The following XG variants were observed in gnomAD, a reference collection of about 807,000 sequenced individuals.
XG encodes the protein Xg glycoprotein (Xg blood group), also known as glycoprotein Xg.
Under a neutral mutation model 25.7 loss-of-function variants are expected in XG, and 24 were observed. The observed-to-expected ratio is 0.93, with a 90% CI of 0.68 to 1.31. The LOEUF (loss-of-function observed/expected upper bound fraction) is 1.31, where lower values mean the gene tolerates loss of function less well. XG is among the 40% of genes most tolerant of loss of function. The pLI is 0.00. For missense variants in XG, 181 were observed against 187.6 expected (o/e 0.96, Z 0.21); for synonymous variants, 77 against 69.2 (o/e 1.11, Z -0.56).
At chrX:2,780,735 A>G (rs1373239502) in intron 3 of XG, among the ~76,000 whole-genome samples, 1 of 150,804 alleles carries the variant, frequency 6.6e-6, no homozygotes, top group Non-Finnish European at 1.5e-5. Flanking sequence ...AAAAAGAAGA[A>G]GTATATTGGT....
At chrX:2,813,902 C>G (rs907220433) in intron 10 of XG, among the ~76,000 whole-genome samples, 2 of 112,297 alleles carry the variant, frequency 1.8e-5, no homozygotes, top group Non-Finnish European at 3.8e-5. Flanking sequence ...GTTTTCAAAA[C>G]GAATATTTGT....
rs780730282 is a variant in XG at position 2,771,270 on chromosome X, C to G, written c.103+679C>G. On this transcript the variant is annotated intron_variant, in intron 2 of 10. Coordinates refer to ENST00000644266, the MANE Select transcript of XG (RefSeq NM_001141919.2). ...TTTTCTTACACTTCAGTTCATATCC[C>G]TCATTGTCCCATACCCCGATCCCAA... Among the ~76,000 whole-genome samples the G allele has an allele frequency of 2.9e-4, 44 of 152,244 alleles. 1 individual carries two copies. Among genetic ancestry groups the G allele is most frequent in the South Asian group, 4.2e-4 (2 of 4,804 alleles).
chrX:2,815,985 G>C lies in XG; in HGVS notation c.*1605G>C, dbSNP rs2087101629. On this transcript the variant is annotated 3_prime_UTR_variant, in exon 11 of 11. Coordinates refer to ENST00000644266, the MANE Select transcript of XG (RefSeq NM_001141919.2). The stretch of plus-strand genomic sequence containing the variant: ...ATTTCACAAATAAATTGTATGAAAT[G>C]ACTGTAGAAGTGGCCCCAAAATTAT... 1 of 112,072 alleles carries C rather than the reference G, an allele frequency of 8.9e-6. No individual in the cohort carries two copies. Among genetic ancestry groups the C allele is most frequent in the African/African-American group, 3.2e-5 (1 of 30,875 alleles). 9.2% of individuals were successfully genotyped at this position (112,072 alleles called of 1,213,427 possible).
intron 2 of XG, among the ~76,000 whole-genome samples, chrX:2,774,090 T>C (rs1001383350): frequency 1.2e-4 from 18 of 152,088 alleles, no homozygotes; most frequent in Non-Finnish European, 2.1e-4. Context: ...AATACGGTGT[T>C]TCCTCTGTTT....
intron 5 of XG, among the ~76,000 whole-genome samples, chrX:2,794,049 C>T (rs761296026): frequency 1.4e-3 from 154 of 110,519 alleles, no homozygotes; most frequent in Non-Finnish European, 2.6e-3. Context: ...GAGAGCTGGA[C>T]GAGGACATGG....
intron 7 of XG, among the ~76,000 whole-genome samples, chrX:2,806,391 C>T (rs2086997960): frequency 9.0e-6 from 1 of 110,616 alleles, no homozygotes; most frequent in African/African-American, 3.3e-5. Context: ...CGTTTTCATC[C>T]TATTCTCTTT....
chrX:2,781,951 C>G, intron 3 of XG, 115 bp from the exon 4 acceptor site: 1 of 731,595 alleles, frequency 1.4e-6, no homozygotes. Flanking sequence ...CCGTGGGCAG[C>G]AAATCAGAAC....
chrX:2,752,784 G>A (rs747774492), intron 1 of XG: 16 of 315,198 alleles, frequency 5.1e-5, no homozygotes, highest in South Asian at 2.5e-4. Context: ...TTCGTTTGCC[G>A]GAAGGGTTGC....
intron 1 of XG, among the ~76,000 whole-genome samples, chrX:2,759,892 G>A (rs1177119178): frequency 6.6e-6 from 1 of 152,206 alleles, no homozygotes; most frequent in Non-Finnish European, 1.5e-5. Flanking sequence ...GTGCAGCCAC[G>A]GTGCTGAGGC....
At chrX:2,807,262 G>C (rs992422079) in intron 8 of XG, among the ~76,000 whole-genome samples, 6 of 113,193 alleles carry the variant, frequency 5.3e-5, no homozygotes, top group African/African-American at 1.6e-4. Flanking sequence ...TTTCCCATGT[G>C]TGTCCATTCA....
chrX:2,773,567 GA>G (rs1452146604), intron 2 of XG, among the ~76,000 whole-genome samples: 2 of 98,464 alleles, frequency 2.0e-5, no homozygotes, highest in African/African-American at 4.0e-5. Context: ...AGGAAGGAGA[GA>G]AGGAAGGAAG....
At chrX:2,801,159 A>C (rs1443244764) in intron 7 of XG, among the ~76,000 whole-genome samples, 2 of 105,290 alleles carry the variant, frequency 1.9e-5, no homozygotes, top group East Asian at 5.9e-4. Context: ...TTTAATTCAC[A>C]CAGAGCTGAC....
chrX:2,779,683 GT>G (rs1281351758), intron 3 of XG, among the ~76,000 whole-genome samples: 2 of 152,082 alleles, frequency 1.3e-5, no homozygotes, highest in Admixed American at 6.6e-5. Context: ...ATCTCACTCT[GT>G]TGCCCAGGCT....
At position 2,796,468 on chromosome X, in the gene XG, ATG is replaced by A. The variant is rs200727930; in HGVS notation, c.323-822_323-821del. 5.8e-3 allele frequency among the ~76,000 whole-genome samples: 558 copies of A among 95,945 alleles called. 3 individuals are homozygous for A. Among genetic ancestry groups the A allele is most frequent in the Admixed American group, 9.4e-3 (78 of 8,282 alleles). The allele number at this position is 95,945 out of a possible 115,157, so 83.3% of individuals were successfully genotyped here. On this transcript the variant is annotated intron_variant, in intron 6 of 10. Transcript: ENST00000644266. The stretch of plus-strand genomic sequence containing the variant: ...TATATATGTATATACATTTAGGTAT[ATG>A]TGTGTGTGTGTGTGTGTGTATATAT...
At chrX:2,774,881 C>G (rs926960477) in intron 3 of XG, 142 bp downstream of exon 3, 8 of 1,101,962 alleles carry the variant, frequency 7.3e-6, no homozygotes, top group Middle Eastern at 2.0e-4. Context: ...ATATTGAAAG[C>G]AAAATGTGGT....
chrX:2,796,792 G>C (rs1395760446), intron 6 of XG, among the ~76,000 whole-genome samples: 2 of 111,631 alleles, frequency 1.8e-5, no homozygotes, highest in East Asian at 5.6e-4. Flanking sequence ...TGCATCTTTC[G>C]GACAACCAGA....
chrX:2,755,370 G>A (rs2050411993), intron 1 of XG, among the ~76,000 whole-genome samples: 1 of 152,158 alleles, frequency 6.6e-6, no homozygotes, highest in Non-Finnish European at 1.5e-5. Flanking sequence ...CATTGCCGTG[G>A]TATTTGTAAT....
At chrX:2,757,090 G>A (rs1318044238) in intron 1 of XG, among the ~76,000 whole-genome samples, 3 of 152,090 alleles carry the variant, frequency 2.0e-5, no homozygotes, top group African/African-American at 7.2e-5. Flanking sequence ...GTTGGAAAGG[G>A]GATGGAGTGG....
intron 1 of XG, among the ~76,000 whole-genome samples, chrX:2,756,551 T>C (rs2050438770): frequency 6.6e-6 from 1 of 152,100 alleles, no homozygotes; most frequent in Admixed American, 6.6e-5. Context: ...AATTATTACA[T>C]GTACCCTGAA....
Sources: gnomAD v4.1 joint callset for allele counts (sites outside exome capture counted in the v4.1 genomes callset) on GRCh38, gnomAD v4.1.1 for gene constraint, MANE v1.5 for transcripts, NCBI Gene and HGNC (gene_info 2026-07-23, HGNC 2026-07-21) for gene names.